ISX: variants seen among roughly 807,000 people sequenced by gnomAD.
ISX encodes intestine-specific homeobox.
ISX carries 15 observed loss-of-function variants against 16.9 expected under a neutral mutation model. The observed-to-expected ratio is 0.89, with a 90% CI of 0.59 to 1.36. The LOEUF is 1.36. ISX is among the 40% of genes most tolerant of loss of function. The pLI, the probability that ISX is intolerant of heterozygous loss-of-function variation, is 0.00. For synonymous variants in ISX, 125 were observed against 119.7 expected, an observed-to-expected ratio of 1.04 and a Z score of -0.29; for missense variants, 316 against 306.1, an observed-to-expected ratio of 1.03 and a Z score of -0.24.
chr22:35,066,944 A>C lies in ISX; in HGVS notation c.-144A>C. The C allele has an allele frequency of 1.6e-6, 1 of 622,442 alleles. No homozygotes were observed. Among genetic ancestry groups the C allele is most frequent in the Non-Finnish European group, 2.8e-6 (1 of 354,720 alleles). 38.6% of individuals were successfully genotyped at this position (622,442 alleles called of 1,614,324 possible). On this transcript the variant is annotated 5_prime_UTR_variant, in exon 2 of 5. Transcript: ENST00000404699. ...CCCATGGAAGTCCCTGTGGACACGA[A>C]ATCCTGTTTGGATCATCTAACTGGA...
At chr22:35,084,938 T>C (rs367833450) in intron 4 of ISX, among the ~76,000 whole-genome samples, 5 of 152,102 alleles carry the variant, frequency 3.3e-5, no homozygotes, top group East Asian at 3.9e-4. Context: ...AACTGAGATG[T>C]AGAGGATGCT....
At chr22:35,081,812 T>C (rs544512874) in intron 2 of ISX, among the ~76,000 whole-genome samples, 1 of 152,318 alleles carries the variant, frequency 6.6e-6, no homozygotes, top group Non-Finnish European at 1.5e-5. Context: ...AAAAACCCAC[T>C]ATGACAATTT....
intron 2 of ISX, among the ~76,000 whole-genome samples, chr22:35,078,662 C>G (rs1202363247): frequency 6.6e-6 from 1 of 152,048 alleles, no homozygotes; most frequent in East Asian, 1.9e-4. Flanking sequence ...AGCGAAAGTA[C>G]TTTGAAAGGA....
intron 2 of ISX, among the ~76,000 whole-genome samples, chr22:35,068,819 T>C (rs1255990925): frequency 6.6e-6 from 1 of 152,208 alleles, no homozygotes; most frequent in Admixed American, 6.5e-5. Flanking sequence ...CACAGCACTT[T>C]TGTGGCCATT....
rs556448435 is a variant in ISX, at chr22:35,072,257, T to C, written c.229+4941T>C. 3.3e-5 allele frequency among the ~76,000 whole-genome samples: 5 copies of C among 152,294 alleles called. No individual in the cohort carries two copies. The South Asian group carries it at 1.0e-3, about 32-fold the overall frequency. ...TGGGAGCACAAGAAAGTACAAGGCATGGCCCCTACCTGCAAAAAAGAGCAC... is the reference window on the plus strand; with the variant it reads ...TGGGAGCACAAGAAAGTACAAGGCACGGCCCCTACCTGCAAAAAAGAGCAC... On this transcript the variant is annotated intron_variant, in intron 2 of 4. Coordinates refer to ENST00000404699, the MANE Select transcript of ISX (RefSeq NM_001303508.2).
chr22:35,070,633 T>C (rs1489917953), intron 2 of ISX, among the ~76,000 whole-genome samples: 1 of 152,122 alleles, frequency 6.6e-6, no homozygotes, highest in African/African-American at 2.4e-5. Context: ...AATCACTGAG[T>C]GCTTACTCTG....
At chr22:35,082,453 AC>A in intron 2 of ISX, 64 bp from the exon 3 acceptor site, 1 of 1,555,482 alleles carries the variant, frequency 6.4e-7, no homozygotes, top group South Asian at 1.2e-5. Context: ...ACAAGGCAAC[AC>A]AAAAACCCCA....
At chr22:35,082,120 C>G (rs1929135553) in intron 2 of ISX, among the ~76,000 whole-genome samples, 1 of 152,254 alleles carries the variant, frequency 6.6e-6, no homozygotes, top group African/African-American at 2.4e-5. Flanking sequence ...AGTGCAAAAA[C>G]TGTCAGAGAC....
At chr22:35,079,666 C>A (rs1270463610) in intron 2 of ISX, among the ~76,000 whole-genome samples, 1 of 152,048 alleles carries the variant, frequency 6.6e-6, no homozygotes, top group Non-Finnish European at 1.5e-5. Flanking sequence ...TTCCCAAGAG[C>A]GGTTTTTCTT....
At chr22:35,067,615 G>A (rs1328106247) in intron 2 of ISX, among the ~76,000 whole-genome samples, 1 of 152,218 alleles carries the variant, frequency 6.6e-6, no homozygotes, top group East Asian at 1.9e-4. Flanking sequence ...CAATGTCATA[G>A]GCATTCTCTT....
chr22:35,072,914 C>A (rs369528643), intron 2 of ISX, among the ~76,000 whole-genome samples: 6 of 152,116 alleles, frequency 3.9e-5, no homozygotes, highest in African/African-American at 1.4e-4. Context: ...GGGTTGCAGT[C>A]GTCTGGAGGC....
intron 2 of ISX, among the ~76,000 whole-genome samples, chr22:35,072,256 ATGGCCCCTAC>A (rs1928873273): frequency 6.6e-6 from 1 of 152,226 alleles, no homozygotes; most frequent in Non-Finnish European, 1.5e-5. Flanking sequence ...AGTACAAGGC[ATGGCCCCTAC>A]CTGCAAAAAA....
chr22:35,084,689 G>C (rs1459777129), intron 4 of ISX, among the ~76,000 whole-genome samples, 190 bp downstream of exon 4: 1 of 147,202 alleles, frequency 6.8e-6, no homozygotes, highest in Non-Finnish European at 1.5e-5. Flanking sequence ...GTGGCTGCCT[G>C]TCTGTCCTCA....
Position 35,085,966 on chromosome 22 carries a change from G to A in ISX, c.*273G>A, listed in dbSNP as rs1267287060. 2.0e-6 allele frequency: 1 copy of A among 498,590 alleles called. No individual in the cohort carries two copies. Among genetic ancestry groups the A allele is most frequent in the African/African-American group, 1.9e-5 (1 of 51,596 alleles). The allele number at this position is 498,590 out of a possible 1,614,324, so 30.9% of individuals were successfully genotyped here. A position where few individuals can be genotyped will look rare whatever the true frequency, so the allele number is the denominator to read the frequency against. On this transcript the variant is annotated 3_prime_UTR_variant, in exon 5 of 5. Coordinates refer to ENST00000404699, the MANE Select transcript of ISX (RefSeq NM_001303508.2). Reference sequence around the variant, plus strand: ...CTCAGGCCGAGCTCTGAAATAGGGAGGTAATCCTCCAGCACCTGTGTTTCC... The same window carrying A: ...CTCAGGCCGAGCTCTGAAATAGGGAAGTAATCCTCCAGCACCTGTGTTTCC...
intron 3 of ISX, among the ~76,000 whole-genome samples, 166 bp from the exon 4 acceptor site, chr22:35,084,217 C>T (rs924223678): frequency 6.6e-6 from 1 of 152,274 alleles, no homozygotes; most frequent in Non-Finnish European, 1.5e-5. Context: ...CCCCGGTTCC[C>T]TCTCAGAAAG....
chr22:35,084,262 C>G (rs1929191574), intron 3 of ISX, 121 bp from the exon 4 acceptor site: 2 of 658,010 alleles, frequency 3.0e-6, no homozygotes, highest in Non-Finnish European at 5.2e-6. Flanking sequence ...CTGGATGCCA[C>G]AGAGCTTTAC....
chr22:35,073,729 T>C (rs1007968354), intron 2 of ISX, among the ~76,000 whole-genome samples: 2 of 152,196 alleles, frequency 1.3e-5, no homozygotes, highest in Admixed American at 6.5e-5. Context: ...GGGAGCCCCA[T>C]GGACAAGGGC....
rs1010101041 is a variant in ISX, at chr22:35,069,581, G to A, written c.229+2265G>A. On this transcript the variant is annotated intron_variant, in intron 2 of 4. Coordinates refer to ENST00000404699, the MANE Select transcript of ISX (RefSeq NM_001303508.2). ...TCCCTTGTGGTGATTTTCCACTGTA[G>A]AATCTTTCTCCCTGGGGAAAGGATG... is the stretch of plus-strand genomic sequence containing the variant. Among the ~76,000 whole-genome samples the A allele has an allele frequency of 3.9e-5, 6 of 152,306 alleles. 1 individual carries two copies. In the South Asian group the frequency reaches 6.2e-4, roughly 16 times the overall value.
At position 35,086,903 on chromosome 22, in the gene ISX, T is replaced by C. The variant is rs1452278315; in HGVS notation, c.*1210T>C. 3 of 152,230 alleles carry C rather than the reference T, an allele frequency of 2.0e-5. No individual in the cohort carries two copies. Among genetic ancestry groups the C allele is most frequent in the Non-Finnish European group, 2.9e-5 (2 of 68,072 alleles). 9.4% of individuals were successfully genotyped at this position (152,230 alleles called of 1,614,324 possible). On this transcript the variant is annotated 3_prime_UTR_variant, in exon 5 of 5. Coordinates refer to ENST00000404699, the MANE Select transcript of ISX (RefSeq NM_001303508.2). ...CTAAGCTGGGAAGCCTGGAATGACCTCTTGCACAAGCCTAAATTCCAGGAA... is the reference window on the plus strand; with the variant it reads ...CTAAGCTGGGAAGCCTGGAATGACCCCTTGCACAAGCCTAAATTCCAGGAA...
Sources: allele counts gnomAD v4.1 joint callset (sites outside exome capture counted in the v4.1 genomes callset), GRCh38; gene constraint gnomAD v4.1.1; transcripts MANE v1.5; gene names NCBI Gene and HGNC (gene_info 2026-07-23, HGNC 2026-07-21).